Variants in FIP1L1 observed in about 807,000 individuals in gnomAD.
The protein encoded by FIP1L1 is pre-mRNA 3'-end-processing factor FIP1.
In FIP1L1, 21 loss-of-function variants were observed where a neutral mutation model predicts 84.6. The observed-to-expected ratio is 0.25, with a 90% CI of 0.18 to 0.36. The LOEUF (loss-of-function observed/expected upper bound fraction) is 0.36, where lower values mean the gene tolerates loss of function less well. FIP1L1 is among the 10% of genes least tolerant of loss of function. FIP1L1 has a pLI of 1.00. For missense variants in FIP1L1, 526 were observed against 751.1 expected, an observed-to-expected ratio of 0.70 and a Z score of 3.50; for synonymous variants, 263 against 242.3, an observed-to-expected ratio of 1.09 and a Z score of -0.80.
At chr4:53,457,656 C>CATA (rs1310367875) in intron 16 of FIP1L1, among the ~76,000 whole-genome samples, 2 of 152,056 alleles carry the variant, frequency 1.3e-5, no homozygotes, top group African/African-American at 4.8e-5. Context: ...TTACTACTTT[C>CATA]ATAATTCATA....
At chr4:53,380,938 C>T (rs189580015) in intron 3 of FIP1L1, among the ~76,000 whole-genome samples, 196 of 152,126 alleles carry the variant, frequency 1.3e-3, no homozygotes, top group African/African-American at 4.5e-3. Flanking sequence ...ATTTTAAAAG[C>T]TTACTTTCTA....
At chr4:53,439,026 G>T (rs772643086) in intron 13 of FIP1L1, among the ~76,000 whole-genome samples, 3 of 151,952 alleles carry the variant, frequency 2.0e-5, no homozygotes, top group Admixed American at 6.6e-5. Context: ...ATAAATCTAC[G>T]AAAATAATCA....
intron 10 of FIP1L1, among the ~76,000 whole-genome samples, chr4:53,403,750 A>G (rs1751520356): frequency 6.6e-6 from 1 of 152,154 alleles, no homozygotes; most frequent in Non-Finnish European, 1.5e-5. Flanking sequence ...GTTGTGGAGG[A>G]GTATTGGGCT....
At chr4:53,439,404 G>T (rs1234447193) in intron 13 of FIP1L1, among the ~76,000 whole-genome samples, 1 of 151,958 alleles carries the variant, frequency 6.6e-6, no homozygotes, top group Admixed American at 6.6e-5. Context: ...AAAATCAGGT[G>T]CTTTGGTCTC....
At chr4:53,385,649 A>G (rs1350226548) in intron 5 of FIP1L1, among the ~76,000 whole-genome samples, 2 of 152,132 alleles carry the variant, frequency 1.3e-5, no homozygotes, top group African/African-American at 4.8e-5. Context: ...TTCCCCTTAG[A>G]CATTTGATTA....
At chr4:53,434,206 T>G (rs1178496899) in intron 13 of FIP1L1, among the ~76,000 whole-genome samples, 1 of 152,212 alleles carries the variant, frequency 6.6e-6, no homozygotes, top group Non-Finnish European at 1.5e-5. Flanking sequence ...ATTAGAGATA[T>G]GTATAATACA....
intron 13 of FIP1L1, among the ~76,000 whole-genome samples, chr4:53,435,192 TTATC>T (rs1187311301): frequency 1.3e-5 from 2 of 152,226 alleles, no homozygotes; most frequent in Non-Finnish European, 2.9e-5. Flanking sequence ...GCAATGCTAA[TTATC>T]TATAATAAAT....
chr4:53,384,417 G>GA (rs752560947), intron 5 of FIP1L1, among the ~76,000 whole-genome samples: 3,140 of 133,902 alleles, frequency 0.023, 44 homozygotes, highest in Middle Eastern at 0.056. Flanking sequence ...TCGAGAAAAA[G>GA]AAAAAAAAAA....
At chr4:53,381,601 T>A (rs981916300) in intron 3 of FIP1L1, among the ~76,000 whole-genome samples, 4 of 152,152 alleles carry the variant, frequency 2.6e-5, no homozygotes, top group African/African-American at 9.7e-5. Flanking sequence ...ATTTGGTGAT[T>A]GTGCTATAAA....
At chr4:53,424,259 G>A (rs1048087161) in intron 11 of FIP1L1, among the ~76,000 whole-genome samples, 2 of 152,106 alleles carry the variant, frequency 1.3e-5, no homozygotes, top group Non-Finnish European at 2.9e-5. Context: ...AATATGAAAT[G>A]TTTGTATATC....
At chr4:53,413,610 C>G (rs1442374715) in intron 10 of FIP1L1, among the ~76,000 whole-genome samples, 2 of 151,726 alleles carry the variant, frequency 1.3e-5, no homozygotes, top group Non-Finnish European at 2.9e-5. Context: ...TATAAGAAAA[C>G]CTATTCAGTA....
At chr4:53,419,565 C>T (rs981423231) in intron 11 of FIP1L1, among the ~76,000 whole-genome samples, 5 of 152,172 alleles carry the variant, frequency 3.3e-5, no homozygotes, top group South Asian at 2.1e-4. Flanking sequence ...CTCAGCCTCC[C>T]GAGTAGCTGG....
intron 10 of FIP1L1, among the ~76,000 whole-genome samples, chr4:53,400,311 T>C (rs147649206): frequency 6.6e-6 from 1 of 152,336 alleles, no homozygotes; most frequent in African/African-American, 2.4e-5. Context: ...TGATTTTATA[T>C]GATAATACCT....
chr4:53,451,001 G>C (rs1269465832), intron 15 of FIP1L1, among the ~76,000 whole-genome samples: 1 of 136,140 alleles, frequency 7.3e-6, no homozygotes, highest in Non-Finnish European at 1.5e-5. Flanking sequence ...TCACTCTGTT[G>C]TCATGCTGGA....
chr4:53,452,411 C>T (rs922513877), intron 15 of FIP1L1, among the ~76,000 whole-genome samples: 11 of 152,014 alleles, frequency 7.2e-5, no homozygotes, highest in Admixed American at 5.2e-4. Context: ...CTCCGCCTCC[C>T]GGGTTCAAGT....
At chr4:53,405,210 T>G (rs1327965004) in intron 10 of FIP1L1, among the ~76,000 whole-genome samples, 7 of 152,154 alleles carry the variant, frequency 4.6e-5, no homozygotes, top group African/African-American at 1.4e-4. Flanking sequence ...GGGATCCAGT[T>G]TCAGCTCTCT....
At chr4:53,451,025 A>G (rs533052152) in intron 15 of FIP1L1, among the ~76,000 whole-genome samples, 1 of 147,812 alleles carries the variant, frequency 6.8e-6, no homozygotes, top group African/African-American at 2.5e-5. Flanking sequence ...CAGTAGCGCC[A>G]TCTCGGCTCA....
intron 8 of FIP1L1, 96 bp downstream of exon 8, chr4:53,391,235 A>G (rs1744102833): frequency 7.3e-7 from 1 of 1,373,770 alleles, no homozygotes; most frequent in Non-Finnish European, 1.0e-6. Flanking sequence ...GTTAAATGCT[A>G]TATGATAGTT....
intron 13 of FIP1L1, among the ~76,000 whole-genome samples, chr4:53,430,748 A>T (rs985142679): frequency 1.3e-5 from 2 of 152,152 alleles, no homozygotes; most frequent in African/African-American, 2.4e-5. Flanking sequence ...CTGTTGCTTA[A>T]TCTATTTTTC....
Sources: allele counts gnomAD v4.1 joint callset (sites outside exome capture counted in the v4.1 genomes callset), GRCh38; gene constraint gnomAD v4.1.1; transcripts MANE v1.5; gene names NCBI Gene and HGNC (gene_info 2026-07-23, HGNC 2026-07-21).